The following SUPT3H variants were observed in gnomAD, a reference collection of about 807,000 sequenced individuals.
SUPT3H encodes transcription initiation protein SPT3 homolog.
In SUPT3H, 44 loss-of-function variants were observed where a neutral mutation model predicts 44.3. That is an observed-to-expected ratio of 0.99 (90% confidence interval 0.78 to 1.28). SUPT3H has a LOEUF of 1.28. SUPT3H is among the 50% of genes most tolerant of loss of function. The pLI, the probability that SUPT3H is intolerant of heterozygous loss-of-function variation, is 0.00. For synonymous variants in SUPT3H, 124 were observed against 125.6 expected (o/e 0.99, Z 0.09); for missense variants, 380 against 387.1 (o/e 0.98, Z 0.15).
At chr6:45,193,818 A>G (rs1384015988) in intron 2 of SUPT3H, among the ~76,000 whole-genome samples, 2 of 152,220 alleles carry the variant, frequency 1.3e-5, no homozygotes, top group East Asian at 1.9e-4. Flanking sequence ...ATTAAATCCC[A>G]AAGATTGCAA....
chr6:45,306,920 C>G (rs1048443536), intron 2 of SUPT3H, among the ~76,000 whole-genome samples: 1 of 152,234 alleles, frequency 6.6e-6, no homozygotes, highest in Non-Finnish European at 1.5e-5. Context: ...CACTCCCACC[C>G]TAACACTGCG....
chr6:44,809,063 T>C (rs916323320), downstream of SUPT3H, among the ~76,000 whole-genome samples: 5 of 152,232 alleles, frequency 3.3e-5, no homozygotes, highest in African/African-American at 1.2e-4. Context: ...AAAATATTTC[T>C]AAGCTTACAC....
intron 11 of SUPT3H, among the ~76,000 whole-genome samples, chr6:44,815,423 A>C (rs980560915): frequency 2.0e-5 from 3 of 152,204 alleles, no homozygotes; most frequent in Non-Finnish European, 4.4e-5. Context: ...ATGGGTTAAA[A>C]AGCAACACCT....
At chr6:45,216,548 C>G (rs1045962962) in intron 2 of SUPT3H, among the ~76,000 whole-genome samples, 1 of 152,066 alleles carries the variant, frequency 6.6e-6, no homozygotes, top group Non-Finnish European at 1.5e-5. Context: ...AACACACTAC[C>G]TACAAGAAGC....
intron 1 of SUPT3H, among the ~76,000 whole-genome samples, chr6:45,371,053 CTTAA>C (rs972441186): frequency 7.2e-5 from 11 of 152,080 alleles, no homozygotes; most frequent in East Asian, 1.9e-4. Flanking sequence ...CTTACACAAA[CTTAA>C]TTAAAGAGTT....
At chr6:45,306,049 T>G (rs1782940587) in intron 2 of SUPT3H, among the ~76,000 whole-genome samples, 1 of 152,248 alleles carries the variant, frequency 6.6e-6, no homozygotes, top group African/African-American at 2.4e-5. Context: ...CATCACATAC[T>G]GCTGCCAACA....
rs183635812 is a variant in SUPT3H at position 45,317,526 on chromosome 6, A to G, written c.101+47675T>C. 2.4e-4 allele frequency among the ~76,000 whole-genome samples: 37 copies of G among 152,300 alleles called. No individual in the cohort carries two copies. In the East Asian group the frequency reaches 6.7e-3, roughly 28 times the overall value. On this transcript the variant is annotated intron_variant, in intron 2 of 10. Coordinates refer to ENST00000371459, the MANE Select transcript of SUPT3H (RefSeq NM_003599.4). The stretch of plus-strand genomic sequence containing the variant: ...TAACGGAACAGAACAGTGAATCCAG[A>G]AGTAAATCCATACATTTACTGTCAA...
At chr6:44,923,874 G>A (rs1769116642) in intron 10 of SUPT3H, among the ~76,000 whole-genome samples, 1 of 151,934 alleles carries the variant, frequency 6.6e-6, no homozygotes, top group Non-Finnish European at 1.5e-5. Flanking sequence ...TAGAACTCCA[G>A]TTGGCAATGT....
chr6:44,935,988 T>G (rs1348504772), intron 9 of SUPT3H, among the ~76,000 whole-genome samples: 1 of 152,240 alleles, frequency 6.6e-6, no homozygotes, highest in East Asian at 1.9e-4. Flanking sequence ...AACTGCATCT[T>G]ATTCTTTCCA....
At chr6:45,063,519 GGA>G (rs1792587169) in intron 3 of SUPT3H, among the ~76,000 whole-genome samples, 1 of 132,276 alleles carries the variant, frequency 7.6e-6, no homozygotes, top group Non-Finnish European at 1.6e-5. Context: ...CTGAGCTATG[GGA>G]GGACATTCAA....
At chr6:45,084,913 G>A (rs1255319010) in intron 3 of SUPT3H, among the ~76,000 whole-genome samples, 1 of 151,994 alleles carries the variant, frequency 6.6e-6, no homozygotes, top group African/African-American at 2.4e-5. Context: ...CTAAACACTG[G>A]GTACAAATGA....
At chr6:45,351,501 C>G (rs1376496597) in intron 2 of SUPT3H, among the ~76,000 whole-genome samples, 1 of 152,118 alleles carries the variant, frequency 6.6e-6, no homozygotes, top group Admixed American at 6.5e-5. Context: ...CCACAGCACA[C>G]AGAAAGGAAA....
At chr6:44,851,764 T>C (rs559852857) in intron 10 of SUPT3H, among the ~76,000 whole-genome samples, 5 of 152,330 alleles carry the variant, frequency 3.3e-5, no homozygotes, top group Admixed American at 2.0e-4. Context: ...CTAGAGTGCC[T>C]TTTAAAATTG....
At chr6:44,997,393 T>C (rs1781409502) in intron 6 of SUPT3H, among the ~76,000 whole-genome samples, 1 of 151,796 alleles carries the variant, frequency 6.6e-6, no homozygotes, top group South Asian at 2.1e-4. Flanking sequence ...ATAAAGTTCA[T>C]CTCCAAATAA....
At chr6:45,365,441 C>T in intron 1 of SUPT3H, 140 bp from the exon 2 acceptor site, 1 of 585,760 alleles carries the variant, frequency 1.7e-6, no homozygotes, top group South Asian at 2.3e-5. Flanking sequence ...AACTGATTCA[C>T]TTATACTTAA....
intron 7 of SUPT3H, among the ~76,000 whole-genome samples, chr6:44,956,433 G>A (rs898251590): frequency 2.9e-5 from 4 of 139,246 alleles, no homozygotes; most frequent in Non-Finnish European, 6.1e-5. Flanking sequence ...GCAGTGAGCC[G>A]AGATGGCGCC....
intron 2 of SUPT3H, among the ~76,000 whole-genome samples, chr6:45,350,212 A>G (rs534269029): frequency 7.9e-5 from 12 of 152,202 alleles, no homozygotes; most frequent in Non-Finnish European, 1.8e-4. Context: ...ATTCACTGCT[A>G]TATCTCCAGA....
chr6:45,371,325 T>C (rs546529108), intron 1 of SUPT3H, among the ~76,000 whole-genome samples: 85 of 152,072 alleles, frequency 5.6e-4, no homozygotes, highest in African/African-American at 1.9e-3. Flanking sequence ...GACTGGGGGA[T>C]TTACTGTAGG....
chr6:45,308,289 A>G (rs953577303), intron 2 of SUPT3H, among the ~76,000 whole-genome samples: 3 of 152,328 alleles, frequency 2.0e-5, no homozygotes, highest in East Asian at 3.9e-4. Flanking sequence ...TCCAAGACAC[A>G]TAATTGTCAG....
Sources: allele counts gnomAD v4.1 joint callset (sites outside exome capture counted in the v4.1 genomes callset), GRCh38; gene constraint gnomAD v4.1.1; transcripts MANE v1.5; gene names NCBI Gene and HGNC (gene_info 2026-07-23, HGNC 2026-07-21).